FHIP2A: variants seen among roughly 807,000 people sequenced by gnomAD.
FHIP2A encodes family with sequence similarity 160 member B1.
Under a neutral mutation model 93.5 loss-of-function variants are expected in FHIP2A, and 46 were observed. The observed-to-expected ratio is 0.49, with a 90% CI of 0.39 to 0.63. The LOEUF (loss-of-function observed/expected upper bound fraction) is 0.63, where lower values mean the gene tolerates loss of function less well. Ranked by LOEUF, FHIP2A falls within the 20% of genes least tolerant of loss-of-function variation. The probability of loss-of-function intolerance (pLI) is 0.00; values close to 1 mark genes in which losing one functional copy is unlikely to be tolerated. For synonymous variants in FHIP2A, 332 were observed against 326.5 expected (o/e 1.02, Z -0.18); for missense variants, 769 against 909.7 (o/e 0.85, Z 1.99).
chr10:114,878,710 G>T (rs935443578), intron 16 of FHIP2A, among the ~76,000 whole-genome samples: 5 of 151,412 alleles, frequency 3.3e-5, no homozygotes, highest in African/African-American at 1.2e-4. Context: ...AACCTGGGAG[G>T]CAGAGGTTGC....
At chr10:114,875,784 A>G (rs2083882778) in intron 16 of FHIP2A, among the ~76,000 whole-genome samples, 1 of 151,410 alleles carries the variant, frequency 6.6e-6, no homozygotes, top group African/African-American at 2.4e-5. Context: ...AGAGAGAGAA[A>G]GAAATAGAAA....
intron 16 of FHIP2A, among the ~76,000 whole-genome samples, chr10:114,878,791 A>AAAGAAAGAAAGAAAG (rs796671658): frequency 1.5e-3 from 206 of 135,458 alleles, no homozygotes; most frequent in African/African-American, 5.4e-3. Flanking sequence ...AAAAAAAAAA[A>AAAGAAAGAAAGAAAG]AAAGAAAGAA....
chr10:114,847,008 T>C, intron 11 of FHIP2A, 82 bp from the exon 12 acceptor site: 1 of 1,248,128 alleles, frequency 8.0e-7, no homozygotes, highest in Non-Finnish European at 1.1e-6. Context: ...TAACATTTTC[T>C]AAGAACATAG....
At position 114,893,968 on chromosome 10, in the gene FHIP2A, A is replaced by G. The variant is rs564787565; in HGVS notation, c.2193-5522A>G. ...AAAAATATATCTGGGTTGTGAGACT[A>G]TGGGTGATTTTCATCTTATTTTTTC... On this transcript the variant is annotated intron_variant, in intron 16 of 16. Coordinates refer to the FHIP2A transcript ENST00000369250. Among the ~76,000 whole-genome samples, 89 of 152,270 alleles carry G rather than the reference A, an allele frequency of 5.8e-4. 1 individual carries two copies. Among genetic ancestry groups the G allele is most frequent in the African/African-American group, 2.0e-3 (82 of 41,564 alleles).
chr10:114,845,061 T>C (rs1030589743), intron 7 of FHIP2A, among the ~76,000 whole-genome samples: 7 of 151,996 alleles, frequency 4.6e-5, no homozygotes, highest in African/African-American at 1.7e-4. Context: ...CCCACGCACG[T>C]TGGCCTCCCA....
At chr10:114,827,726 G>A (rs2083584928) in intron 1 of FHIP2A, among the ~76,000 whole-genome samples, 1 of 151,560 alleles carries the variant, frequency 6.6e-6, no homozygotes, top group South Asian at 2.1e-4. Flanking sequence ...GAACCCGGGA[G>A]GCGGAGCTTG....
chr10:114,868,348 C>T (rs533578830), downstream of FHIP2A, among the ~76,000 whole-genome samples: 2 of 151,962 alleles, frequency 1.3e-5, no homozygotes, highest in Non-Finnish European at 2.9e-5. Context: ...AACTTGCATG[C>T]GGGGATCTAG....
chr10:114,838,220 C>G (rs1259641438), intron 5 of FHIP2A, among the ~76,000 whole-genome samples: 2 of 152,180 alleles, frequency 1.3e-5, no homozygotes, highest in African/African-American at 2.4e-5. Context: ...ATGTTAACCA[C>G]TCCAATAGAT....
At chr10:114,848,468 T>G (rs1265467034) in intron 12 of FHIP2A, among the ~76,000 whole-genome samples, 179 bp from the exon 13 acceptor site, 1 of 152,202 alleles carries the variant, frequency 6.6e-6, no homozygotes, top group Non-Finnish European at 1.5e-5. Flanking sequence ...ATTTCATTTC[T>G]CGGGTTTCCA....
At chr10:114,828,794 CTTTTT>C (rs1363396213) in intron 1 of FHIP2A, among the ~76,000 whole-genome samples, 1 of 151,874 alleles carries the variant, frequency 6.6e-6, no homozygotes, top group Non-Finnish European at 1.5e-5. Context: ...TTCTTGCAGT[CTTTTT>C]TATTTTTATT....
At chr10:114,889,843 A>G (rs1246167484) in intron 16 of FHIP2A, among the ~76,000 whole-genome samples, 1 of 151,764 alleles carries the variant, frequency 6.6e-6, no homozygotes, top group Non-Finnish European at 1.5e-5. Context: ...CAAGCATCCT[A>G]CTCGCCTTAG....
At chr10:114,831,951 G>C (rs1566365863) in intron 2 of FHIP2A, among the ~76,000 whole-genome samples, 1 of 152,038 alleles carries the variant, frequency 6.6e-6, no homozygotes, top group Non-Finnish European at 1.5e-5. Flanking sequence ...TCTCCATAAG[G>C]CTTAGTGTTA....
intron 2 of FHIP2A, 110 bp from the exon 3 acceptor site, chr10:114,833,123 G>T: frequency 2.6e-6 from 2 of 763,980 alleles, no homozygotes; most frequent in Non-Finnish European, 2.1e-6. Flanking sequence ...TAAGTGTGTA[G>T]TTCAGATTTT....
At chr10:114,846,431 A>G (rs2083701662) in intron 10 of FHIP2A, 64 bp downstream of exon 10, 1 of 1,487,820 alleles carries the variant, frequency 6.7e-7, no homozygotes, top group Non-Finnish European at 9.2e-7. Context: ...AATGTATTAT[A>G]CTTCAGATAT....
intron 12 of FHIP2A, among the ~76,000 whole-genome samples, chr10:114,848,179 T>C (rs1012818719): frequency 1.2e-4 from 19 of 152,172 alleles, no homozygotes; most frequent in African/African-American, 4.6e-4. Context: ...GTCACTGATA[T>C]ACCTGGTTCT....
chr10:114,894,795 A>G (rs371770405), intron 16 of FHIP2A, among the ~76,000 whole-genome samples: 189 of 78,150 alleles, frequency 2.4e-3, no homozygotes, highest in African/African-American at 5.7e-3. Context: ...AAAATACAAC[A>G]AAAAAACTGG....
intron 2 of FHIP2A, among the ~76,000 whole-genome samples, chr10:114,831,786 G>A (rs1214920238): frequency 6.6e-6 from 1 of 152,158 alleles, no homozygotes; most frequent in Non-Finnish European, 1.5e-5. Context: ...TACATAGTTT[G>A]CACCAGTTCA....
At chr10:114,888,104 T>G (rs2143015806) in intron 16 of FHIP2A, among the ~76,000 whole-genome samples, 1 of 152,336 alleles carries the variant, frequency 6.6e-6, no homozygotes. Context: ...ACGACTCTGC[T>G]TCTATGGCCC....
chr10:114,845,524 ATATC>A lies in FHIP2A; in HGVS notation c.1128+47_1128+50del. ...GTTTTTTGATCATTTTAAGATATAA[ATATC>A]TATTAAGTGAAATTGGAATCCCTAA... On this transcript the variant is annotated intron_variant, in intron 8 of 16. Transcript: ENST00000369248. 5 of 1,197,922 alleles carry A rather than the reference ATATC, an allele frequency of 4.2e-6. No homozygotes were observed. In the South Asian group the frequency reaches 5.3e-5, roughly 13 times the overall value. 74.2% of individuals were successfully genotyped at this position (1,197,922 alleles called of 1,614,324 possible).
Sources: allele counts gnomAD v4.1 joint callset (sites outside exome capture counted in the v4.1 genomes callset), GRCh38; gene constraint gnomAD v4.1.1; transcripts MANE v1.5; gene names NCBI Gene and HGNC (gene_info 2026-07-23, HGNC 2026-07-21).